The following QKI variants were observed in gnomAD, a reference collection of about 807,000 sequenced individuals.
QKI encodes the protein QKI, KH domain containing RNA binding, also known as KH domain-containing RNA-binding protein QKI.
In QKI, 10 loss-of-function variants were observed where a neutral mutation model predicts 39.0. The ratio of observed to expected loss-of-function variants is 0.26; its 90% CI spans 0.16 to 0.43. The LOEUF is 0.43. Ranked by LOEUF, QKI falls within the 20% of genes least tolerant of loss-of-function variation. The pLI, the probability that QKI is intolerant of heterozygous loss-of-function variation, is 1.00. For missense variants in QKI, 218 were observed against 428.0 expected (o/e 0.51, Z 4.33); for synonymous variants, 204 against 155.4 (o/e 1.31, Z -2.33).
chr6:163,552,488 G>A (rs1482354862), intron 4 of QKI, among the ~76,000 whole-genome samples: 1 of 152,142 alleles, frequency 6.6e-6, no homozygotes, highest in Non-Finnish European at 1.5e-5. Flanking sequence ...GGGATTACAG[G>A]CGTGAGCCAC....
intron 4 of QKI, among the ~76,000 whole-genome samples, chr6:163,557,886 A>G (rs1277576736): frequency 6.6e-6 from 1 of 152,158 alleles, no homozygotes; most frequent in African/African-American, 2.4e-5. Flanking sequence ...CTGCATGTGA[A>G]TTTTGCTTCC....
intron 1 of QKI, among the ~76,000 whole-genome samples, chr6:163,426,451 T>A (rs923236443): frequency 1.3e-5 from 2 of 152,328 alleles, no homozygotes; most frequent in Admixed American, 6.5e-5. Flanking sequence ...TAAGGAAAGA[T>A]TGATACCTGG....
intron 4 of QKI, among the ~76,000 whole-genome samples, chr6:163,546,482 A>G (rs1781881852): frequency 6.6e-6 from 1 of 151,984 alleles, no homozygotes; most frequent in Admixed American, 6.6e-5. Context: ...GTGTTTTGAT[A>G]TTTTTAAGTA....
intron 1 of QKI, among the ~76,000 whole-genome samples, chr6:163,445,637 T>G (rs1790095154): frequency 6.6e-6 from 1 of 150,928 alleles, no homozygotes; most frequent in East Asian, 1.9e-4. Context: ...TTTTTTTAGT[T>G]GGAGTCTTGC....
intron 1 of QKI, among the ~76,000 whole-genome samples, chr6:163,438,198 T>G (rs1390309861): frequency 6.6e-6 from 1 of 152,176 alleles, no homozygotes; most frequent in East Asian, 1.9e-4. Context: ...GAAAAGACCA[T>G]TTTCAGATTT....
At chr6:163,568,515 A>G in intron 7 of QKI, 1 of 984,706 alleles carries the variant, frequency 1.0e-6, no homozygotes, top group Non-Finnish European at 1.2e-6. Flanking sequence ...TTTTTTAGTA[A>G]CAGAGTACTC....
chr6:163,563,292 G>T, intron 5 of QKI, 128 bp from the exon 6 acceptor site: 1 of 834,302 alleles, frequency 1.2e-6, no homozygotes. Context: ...ATCAGCGCAT[G>T]TACTAATGAT....
intron 4 of QKI, among the ~76,000 whole-genome samples, chr6:163,537,715 G>A (rs1781286437): frequency 6.6e-6 from 1 of 152,180 alleles, no homozygotes; most frequent in African/African-American, 2.4e-5. Context: ...ACCAAGTTCA[G>A]TCAGGTTACT....
rs182678832 is a variant in QKI, at chr6:163,552,301, C to T, written c.547-9681C>T. Among the ~76,000 whole-genome samples, 767 of 150,890 alleles carry T rather than the reference C, an allele frequency of 5.1e-3. 9 individuals carry two copies. Among genetic ancestry groups the T allele is most frequent in the African/African-American group, 0.018 (729 of 40,968 alleles). On this transcript the variant is annotated intron_variant, in intron 4 of 7. Coordinates refer to ENST00000361752, the MANE Select transcript of QKI (RefSeq NM_006775.3). ...TCAGCTCACTGCAAGCTCCACCTCC[C>T]GGGTTCATGCCATTCTCCTGCCTCA...
At chr6:163,442,913 A>G (rs1272539251) in intron 1 of QKI, among the ~76,000 whole-genome samples, 4 of 152,182 alleles carry the variant, frequency 2.6e-5, no homozygotes, top group African/African-American at 9.7e-5. Context: ...AGAGGGCTGT[A>G]TTCTGCATTG....
In QKI at chr6:163,508,521, TTTCTTTCTTTC is replaced by T. The variant is rs1165950068; in HGVS notation, c.403-26458_403-26448del. ...TCTTTTTCTTTTCTTTCTTTCTTTCTTTCTTTCTTTCTTTTTTTTTTTTTTATGATGGCGTT... is the reference window on the plus strand; with the variant it reads ...TCTTTTTCTTTTCTTTCTTTCTTTCTTTTTTTTTTTTTTTATGATGGCGTT... On this transcript the variant is annotated intron_variant, in intron 3 of 7. Transcript: ENST00000361752. Among the ~76,000 whole-genome samples the T allele has an allele frequency of 3.8e-3, 32 of 8,518 alleles. 1 individual carries two copies. The highest frequency in any genetic ancestry group is 0.042 in the East Asian group (1 of 24). 5.6% of individuals were successfully genotyped at this position (8,518 alleles called of 152,430 possible).
At chr6:163,470,130 C>T (rs1225226793) in intron 2 of QKI, among the ~76,000 whole-genome samples, 1 of 152,072 alleles carries the variant, frequency 6.6e-6, no homozygotes, top group African/African-American at 2.4e-5. Context: ...AAGGATATAA[C>T]CGTGTTTTGG....
chr6:163,501,426 A>C lies in QKI; in HGVS notation c.402+22530A>C, dbSNP rs535524997. 1.1e-3 allele frequency among the ~76,000 whole-genome samples: 160 copies of C among 152,296 alleles called. 1 individual carries two copies. Among genetic ancestry groups the C allele is most frequent in the African/African-American group, 3.7e-3 (154 of 41,568 alleles). On this transcript the variant is annotated intron_variant, in intron 3 of 7. Transcript: ENST00000361752. ...TTTGAAAAGTATTTTTCTGGATCTT[A>C]TGCATTTGCATATCTAATTGCTATG... is the stretch of plus-strand genomic sequence containing the variant.
chr6:163,447,120 TC>T (rs975841096), intron 1 of QKI, among the ~76,000 whole-genome samples: 1 of 152,122 alleles, frequency 6.6e-6, no homozygotes, highest in African/African-American at 2.4e-5. Flanking sequence ...TGCCAGGAAA[TC>T]CTCTATGAAA....
intron 7 of QKI, chr6:163,567,764 GT>G: frequency 2.0e-6 from 2 of 984,994 alleles, no homozygotes; most frequent in Non-Finnish European, 2.4e-6. Flanking sequence ...TGGCACATTT[GT>G]TTCCTACAAA....
intron 6 of QKI, chr6:163,564,801 C>T (rs1783253320): frequency 2.5e-6 from 4 of 1,597,862 alleles, no homozygotes; most frequent in Non-Finnish European, 3.4e-6. Context: ...CTTTGTTTTA[C>T]CAGACAAAAT....
At chr6:163,567,591 T>C in intron 7 of QKI, 1 of 983,432 alleles carries the variant, frequency 1.0e-6, no homozygotes, top group Non-Finnish European at 1.2e-6. Flanking sequence ...CTTTTATAAT[T>C]TGTGTCCTGT....
rs573560782 is a variant in QKI, at chr6:163,477,297, G to A, written c.286-1483G>A. On this transcript the variant is annotated intron_variant, in intron 2 of 7. Transcript: ENST00000361752. ...CTCCCAAAGTGTTGGGATTACAGGT[G>A]TGAGCCACTGCGCCTGGCCAATATT... Among the ~76,000 whole-genome samples, 48 of 152,270 alleles carry A rather than the reference G, an allele frequency of 3.2e-4. 1 individual carries two copies. The highest frequency in any genetic ancestry group is 1.1e-3 in the African/African-American group (46 of 41,560).
At chr6:163,502,103 G>A (rs1325623603) in intron 3 of QKI, among the ~76,000 whole-genome samples, 3 of 151,974 alleles carry the variant, frequency 2.0e-5, no homozygotes, top group Non-Finnish European at 2.9e-5. Flanking sequence ...TGGGTGGATC[G>A]CTTGAGCTCA....
Sources: gnomAD v4.1 joint callset for allele counts (sites outside exome capture counted in the v4.1 genomes callset) on GRCh38, gnomAD v4.1.1 for gene constraint, MANE v1.5 for transcripts, NCBI Gene and HGNC (gene_info 2026-07-23, HGNC 2026-07-21) for gene names.